LRRC4C: variants seen among roughly 807,000 people sequenced by gnomAD.
The protein encoded by LRRC4C is leucine-rich repeat-containing protein 4C.
A neutral mutation model predicts 33.6 loss-of-function variants in LRRC4C; 5 were observed. That is an observed-to-expected ratio of 0.15 (90% CI 0.08 to 0.31). LRRC4C has a LOEUF of 0.31. Among genes scored for constraint, LRRC4C ranks in the 10% least tolerant of loss-of-function variants. The pLI is 1.00. For missense variants in LRRC4C, 560 were observed against 796.7 expected, an observed-to-expected ratio of 0.70 and a Z score of 3.58; for synonymous variants, 329 against 302.0, an observed-to-expected ratio of 1.09 and a Z score of -0.93.
At chr11:40,595,286 G>A (rs1959208950) in intron 3 of LRRC4C, among the ~76,000 whole-genome samples, 1 of 151,980 alleles carries the variant, frequency 6.6e-6, no homozygotes, top group Admixed American at 6.6e-5. Flanking sequence ...TAGGACGGTA[G>A]GGACTTACAT....
intron 1 of LRRC4C, among the ~76,000 whole-genome samples, chr11:41,194,827 C>A (rs928903376): frequency 6.6e-6 from 1 of 151,990 alleles, no homozygotes; most frequent in African/African-American, 2.4e-5. Context: ...TTTAATTCAC[C>A]ACATTTATAG....
At chr11:40,908,118 G>A (rs1014932224) in intron 2 of LRRC4C, among the ~76,000 whole-genome samples, 1 of 152,022 alleles carries the variant, frequency 6.6e-6, no homozygotes, top group African/African-American at 2.4e-5. Context: ...TCTGTTGGAT[G>A]TTTCTCCTTA....
intron 1 of LRRC4C, among the ~76,000 whole-genome samples, chr11:41,097,505 T>C (rs1940887530): frequency 3.3e-5 from 5 of 152,102 alleles, no homozygotes; most frequent in Admixed American, 3.3e-4. Flanking sequence ...GCTCCCAAGA[T>C]GAGAAATGTG....
At chr11:40,788,513 C>T (rs920469439) in intron 2 of LRRC4C, among the ~76,000 whole-genome samples, 1 of 152,096 alleles carries the variant, frequency 6.6e-6, no homozygotes, top group Non-Finnish European at 1.5e-5. Context: ...CCCCAGATAC[C>T]ATACTTAGAA....
At chr11:40,283,281 T>C (rs1943603516) in intron 4 of LRRC4C, among the ~76,000 whole-genome samples, 1 of 152,242 alleles carries the variant, frequency 6.6e-6, no homozygotes, top group African/African-American at 2.4e-5. Flanking sequence ...CTAGATTTCA[T>C]ACACATACCC....
chr11:40,867,456 C>T (rs1342550846), intron 2 of LRRC4C, among the ~76,000 whole-genome samples: 3 of 152,142 alleles, frequency 2.0e-5, no homozygotes, highest in East Asian at 1.9e-4. Flanking sequence ...GCATTGGTGA[C>T]TCTTAAAGTA....
chr11:41,145,982 T>A (rs1286674835), intron 1 of LRRC4C, among the ~76,000 whole-genome samples: 7 of 152,100 alleles, frequency 4.6e-5, no homozygotes, highest in African/African-American at 1.4e-4. Context: ...CATAAACAAA[T>A]GAACCAAAAT....
intron 1 of LRRC4C, among the ~76,000 whole-genome samples, chr11:41,252,894 G>A (rs936915620): frequency 6.6e-6 from 1 of 152,058 alleles, no homozygotes; most frequent in East Asian, 1.9e-4. Context: ...AGAACAGCAC[G>A]TGAAAGATCC....
At chr11:40,509,509 TA>T (rs1461489466) in intron 3 of LRRC4C, among the ~76,000 whole-genome samples, 1 of 152,012 alleles carries the variant, frequency 6.6e-6, no homozygotes, top group Non-Finnish European at 1.5e-5. Context: ...TTTATTTATT[TA>T]TTTTTTTTTG....
intron 1 of LRRC4C, among the ~76,000 whole-genome samples, chr11:41,269,522 C>A (rs1301993040): frequency 1.3e-5 from 2 of 151,978 alleles, no homozygotes; most frequent in African/African-American, 2.4e-5. Context: ...AATGACTGAG[C>A]TCAAGTCAGA....
At chr11:41,275,236 GA>G (rs1949446942) in intron 1 of LRRC4C, among the ~76,000 whole-genome samples, 1 of 152,100 alleles carries the variant, frequency 6.6e-6, no homozygotes, top group South Asian at 2.1e-4. Context: ...TTTTACTTAT[GA>G]ATTACCCAGT....
chr11:40,406,103 T>G (rs1413999325), intron 3 of LRRC4C, among the ~76,000 whole-genome samples: 1 of 152,280 alleles, frequency 6.6e-6, no homozygotes, highest in South Asian at 2.1e-4. Context: ...AGTCCAACTT[T>G]ATTCAAATAG....
At chr11:41,014,453 G>T (rs1354634810) in intron 1 of LRRC4C, among the ~76,000 whole-genome samples, 2 of 149,768 alleles carry the variant, frequency 1.3e-5, no homozygotes, top group African/African-American at 2.5e-5. Flanking sequence ...CATGTGTGTT[G>T]TTGATCACAG....
rs186486178 is a variant in LRRC4C at position 40,842,967 on chromosome 11, G to A, written c.-407+90668C>T. On this transcript the variant is annotated intron_variant, in intron 2 of 6. Coordinates refer to ENST00000528697, the MANE Select transcript of LRRC4C (RefSeq NM_001258419.2). ...GGTATAATACAGCACTGTGAGCACA[G>A]AACGAAACCTGTGTTTTCATTCAGC... Among the ~76,000 whole-genome samples the A allele has an allele frequency of 1.6e-3, 239 of 152,252 alleles. 2 individuals are homozygous for A. Among genetic ancestry groups the A allele is most frequent in the African/African-American group, 5.6e-3 (231 of 41,546 alleles).
chr11:40,844,642 T>A (rs1460755459), intron 2 of LRRC4C, among the ~76,000 whole-genome samples: 2 of 152,194 alleles, frequency 1.3e-5, no homozygotes, highest in Admixed American at 1.3e-4. Context: ...AGAGTTTTAG[T>A]GCTTTTTGTT....
intron 5 of LRRC4C, among the ~76,000 whole-genome samples, chr11:40,212,571 T>C (rs909031334): frequency 4.6e-5 from 7 of 152,054 alleles, no homozygotes; most frequent in African/African-American, 1.5e-4. Flanking sequence ...AAGAGTTAGA[T>C]TGGGTCTTTG....
chr11:40,223,921 T>G (rs1284625669), intron 5 of LRRC4C, among the ~76,000 whole-genome samples: 1 of 152,250 alleles, frequency 6.6e-6, no homozygotes, highest in Non-Finnish European at 1.5e-5. Flanking sequence ...GTTTTGTTTC[T>G]ACTGCAAATT....
intron 5 of LRRC4C, among the ~76,000 whole-genome samples, chr11:40,158,033 A>G (rs1368989306): frequency 6.6e-6 from 1 of 152,174 alleles, no homozygotes; most frequent in Admixed American, 6.5e-5. Flanking sequence ...TCAATCAATG[A>G]GTGGATAAAG....
chr11:41,431,394 TAGGA>T (rs889684308), intron 1 of LRRC4C, among the ~76,000 whole-genome samples: 4 of 151,384 alleles, frequency 2.6e-5, no homozygotes, highest in East Asian at 3.9e-4. Flanking sequence ...CTTCCTTCCT[TAGGA>T]AGGAAGGAAG....
Sources: allele counts gnomAD v4.1 joint callset (sites outside exome capture counted in the v4.1 genomes callset), GRCh38; gene constraint gnomAD v4.1.1; transcripts MANE v1.5; gene names NCBI Gene and HGNC (gene_info 2026-07-23, HGNC 2026-07-21).